The following ERAP1 variants were observed in gnomAD, a reference collection of about 807,000 sequenced individuals.
The protein encoded by ERAP1 is endoplasmic reticulum aminopeptidase 1.
Under a neutral mutation model 103.7 loss-of-function variants are expected in ERAP1, and 86 were observed. The ratio of observed to expected loss-of-function variants is 0.83; its 90% CI spans 0.70 to 0.99. The LOEUF is 0.99. Among genes scored for constraint, ERAP1 ranks in the 50% least tolerant of loss-of-function variants. ERAP1 has a pLI of 0.00. For missense variants in ERAP1, 1,009 were observed against 1,128.4 expected (o/e 0.89, Z 1.52); for synonymous variants, 398 against 402.4 (o/e 0.99, Z 0.13).
upstream of ERAP1, among the ~76,000 whole-genome samples, chr5:96,812,160 A>C (rs145560131): frequency 3.3e-5 from 5 of 152,280 alleles, no homozygotes; most frequent in East Asian, 9.6e-4. Context: ...TTGTCCATTT[A>C]TCTACTGGAG....
the ERAP1 span, among the ~76,000 whole-genome samples, chr5:96,927,532 G>T: frequency 6.6e-6 from 1 of 152,202 alleles, no homozygotes; most frequent in East Asian, 1.9e-4. Flanking sequence ...AGTCGCCCAG[G>T]CTGGAGTGCA....
downstream of ERAP1, chr5:96,770,510 A>G (rs1471262562): frequency 1.3e-6 from 2 of 1,572,328 alleles, no homozygotes. Flanking sequence ...CCATAGCCTC[A>G]TTACATTTCC....
the ERAP1 span, among the ~76,000 whole-genome samples, chr5:96,884,652 G>C: frequency 6.6e-6 from 1 of 152,070 alleles, no homozygotes; most frequent in East Asian, 1.9e-4. Flanking sequence ...CAGCCTCCTG[G>C]GTTCAAGCAA....
At chr5:96,773,893 C>T (rs1773328245), downstream of ERAP1, 1 of 152,290 alleles carries the variant, frequency 6.6e-6, no homozygotes, top group South Asian at 2.1e-4. Context: ...ACTTAGCTGA[C>T]TTGTGGCAGC....
At chr5:96,803,365 G>A (rs1461130856) in intron 2 of ERAP1, 38 bp downstream of exon 2, 1 of 1,568,254 alleles carries the variant, frequency 6.4e-7, no homozygotes, top group Non-Finnish European at 8.8e-7. Flanking sequence ...AGCGTGGGCA[G>A]CACTTGCAGT....
chr5:96,899,568 A>G, the ERAP1 span, among the ~76,000 whole-genome samples: 41 of 152,314 alleles, frequency 2.7e-4, 2 homozygotes, highest in South Asian at 7.9e-3. Flanking sequence ...TCAAGGGTCA[A>G]TTGCCAAGTT....
At chr5:96,856,314 G>A in the ERAP1 span, among the ~76,000 whole-genome samples, 540 of 42,294 alleles carry the variant, frequency 0.013, 5 homozygotes, top group African/African-American at 0.044. Context: ...GTGAGACTCC[G>A]TCTCAAAAAA....
intron 4 of ERAP1, among the ~76,000 whole-genome samples, chr5:96,796,034 T>C (rs1420676186): frequency 1.3e-5 from 2 of 152,186 alleles, no homozygotes; most frequent in African/African-American, 4.8e-5. Flanking sequence ...GGCAAAGCAA[T>C]GGGCGGGTGT....
chr5:96,885,093 A>T, the ERAP1 span, among the ~76,000 whole-genome samples: 3 of 152,178 alleles, frequency 2.0e-5, no homozygotes. Context: ...TATCGTCTTC[A>T]TCTGGTGGGG....
Position 96,767,874 on chromosome 5 carries a change from C to G in ERAP1, c.2819-4646G>C, listed in dbSNP as rs1368815917. ...CCATATTGCATTTTGCCTTCTGCTT[C>G]TTCACTGATGGTTATTTCTACTCAT... On this transcript the variant is annotated intron_variant, in intron 19 of 19. Transcript: ENST00000296754. 6.9e-6 allele frequency: 10 copies of G among 1,441,662 alleles called. No homozygotes were observed. In the African/African-American group the frequency reaches 1.1e-4, roughly 16 times the overall value. 89.3% of individuals were successfully genotyped at this position (1,441,662 alleles called of 1,614,324 possible).
chr5:96,913,655 T>C, the ERAP1 span, among the ~76,000 whole-genome samples: 1 of 152,174 alleles, frequency 6.6e-6, no homozygotes, highest in Non-Finnish European at 1.5e-5. Flanking sequence ...AATAAGGGAA[T>C]GGGAAACAGC....
chr5:96,932,402 C>T, the ERAP1 span, among the ~76,000 whole-genome samples: 1 of 152,224 alleles, frequency 6.6e-6, no homozygotes, highest in Admixed American at 6.5e-5. Context: ...GGAATATCAA[C>T]TAATTAAGTT....
At chr5:96,881,666 TTCTG>T in the ERAP1 span, among the ~76,000 whole-genome samples, 1 of 152,172 alleles carries the variant, frequency 6.6e-6, no homozygotes, top group Non-Finnish European at 1.5e-5. Context: ...CCCAGGCTCC[TTCTG>T]TCTTTCTGCT....
chr5:96,793,708 A>C (rs1189290944), intron 6 of ERAP1, 95 bp downstream of exon 6: 1 of 1,286,544 alleles, frequency 7.8e-7, no homozygotes. Flanking sequence ...TATTAAAAAA[A>C]GACAAAGTAA....
the ERAP1 span, among the ~76,000 whole-genome samples, chr5:96,924,574 G>A: frequency 6.6e-6 from 1 of 151,842 alleles, no homozygotes; most frequent in Non-Finnish European, 1.5e-5. Flanking sequence ...GAAAGAGCAA[G>A]TCAATAACAA....
At chr5:96,824,995 A>G in the ERAP1 span, among the ~76,000 whole-genome samples, 1 of 152,184 alleles carries the variant, frequency 6.6e-6, no homozygotes. Flanking sequence ...GGCTGCGATC[A>G]TCACGCCACT....
At chr5:96,923,019 A>C in the ERAP1 span, among the ~76,000 whole-genome samples, 67,735 of 151,878 alleles carry the variant, frequency 0.45, 15,199 homozygotes, top group Non-Finnish European at 0.49. Flanking sequence ...TGCTCTGTTG[A>C]CCAAGCTGGA....
At chr5:96,826,173 C>A in the ERAP1 span, among the ~76,000 whole-genome samples, 3 of 152,312 alleles carry the variant, frequency 2.0e-5, no homozygotes, top group Non-Finnish European at 2.9e-5. Flanking sequence ...TGACTCTTTT[C>A]CACTCTTCTA....
the ERAP1 span, among the ~76,000 whole-genome samples, chr5:96,823,425 T>A: frequency 6.6e-6 from 1 of 152,206 alleles, no homozygotes; most frequent in Non-Finnish European, 1.5e-5. Flanking sequence ...TCCACAGTAT[T>A]TCTTGCATAG....
Sources: allele counts gnomAD v4.1 joint callset (sites outside exome capture counted in the v4.1 genomes callset), GRCh38; gene constraint gnomAD v4.1.1; transcripts MANE v1.5; gene names NCBI Gene and HGNC (gene_info 2026-07-23, HGNC 2026-07-21).